Variants in SBF1 observed in about 807,000 individuals in gnomAD.
SBF1 encodes the protein myotubularin-related protein 5.
In SBF1, 65 loss-of-function variants were observed where a neutral mutation model predicts 215.8. The observed-to-expected ratio is 0.30, with a 90% CI of 0.25 to 0.37. SBF1 has a LOEUF of 0.37. Ranked by LOEUF, SBF1 falls within the 10% of genes least tolerant of loss-of-function variation. The pLI is 1.00. For missense variants in SBF1, 2,634 were observed against 2,667.8 expected (o/e 0.99, Z 0.28); for synonymous variants, 1,410 against 1,122.8 (o/e 1.26, Z -5.11).
At position 50,464,531 on chromosome 22, in the gene SBF1, C is replaced by G; in HGVS notation, c.1636+3G>C. 6.2e-7 allele frequency: 1 copy of G among 1,607,040 alleles called. No individual in the cohort carries two copies. The highest frequency in any genetic ancestry group is 8.5e-7 in the Non-Finnish European group (1 of 1,175,970). The stretch of plus-strand genomic sequence containing the variant: ...GCCTGCCTTCCCCTCCCTCATTACG[C>G]ACTCATGGGGGGCCCTGAGGGCACG... On this transcript the variant is annotated splice_donor_region_variant and intron_variant, in intron 14 of 40. Coordinates refer to ENST00000380817, the MANE Select transcript of SBF1 (RefSeq NM_002972.4).
intron 28 of SBF1, among the ~76,000 whole-genome samples, chr22:50,458,186 T>A (rs1000988084): frequency 6.6e-6 from 1 of 151,284 alleles, no homozygotes; most frequent in African/African-American, 2.4e-5. Flanking sequence ...GCACCTGTAG[T>A]CCCAGCTACT....
chr22:50,461,484 G>A, intron 22 of SBF1, 39 bp downstream of exon 22: 5 of 1,557,320 alleles, frequency 3.2e-6, no homozygotes, highest in Non-Finnish European at 4.4e-6. Context: ...AAGACCTGGG[G>A]GAGAGGGGGC....
In SBF1 at chr22:50,466,696, C is replaced by T. The variant is rs1395775486; in HGVS notation, c.564G>A (p.Leu188=). The T allele has an allele frequency of 6.5e-7, 1 of 1,539,952 alleles. No homozygotes were observed. The highest frequency in any genetic ancestry group is 1.2e-5 in the South Asian group (1 of 83,146). Residue 188 remains leucine, a synonymous_variant, in exon 6 of 41, where the codon TTG becomes TTA. Transcript: ENST00000380817. ...GGATGACCTGCCGGTCACCAGCCCC[C>T]AAAGAGATCGTCCTCTGCAGCAAAA... is the stretch of plus-strand genomic sequence containing the variant. ...LAGGSQRTIS[L]GAGDRQVIQT...
chr22:50,461,680 C>A lies in SBF1; in HGVS notation c.2682G>T (p.Glu894Asp). Residue 894 changes from glutamate to aspartate, a missense_variant, in exon 22 of 41, where the codon GAG (glutamate) becomes GAT (aspartate). Physicochemically the swap from Glu to Asp is conservative, Grantham distance 45. Transcript: ENST00000380817. ...LLRPRLLPGE[E>D]CVLDGLRVYL... is the part of the protein sequence containing the mutation. ...AGACGCGCAGGCCGTCCAGCACACA[C>A]TCCTCACCCGGCAGCAGGCGCGGCC... The A allele has an allele frequency of 6.2e-7, 1 of 1,610,040 alleles. No individual in the cohort carries two copies. Among genetic ancestry groups the A allele is most frequent in the Non-Finnish European group, 8.5e-7 (1 of 1,179,328 alleles).
Position 50,454,963 on chromosome 22 carries a change from G to A in SBF1, c.4682-19C>T, listed in dbSNP as rs369024554. ...AGCAGCCCTGCACAGAAGCAGCACT[G>A]AGCCTGGGCCCCTCCTGACCCGTGG... On this transcript the variant is annotated intron_variant, in intron 34 of 40. Coordinates refer to ENST00000380817, the MANE Select transcript of SBF1 (RefSeq NM_002972.4). 1.5e-5 allele frequency: 25 copies of A among 1,613,946 alleles called. No individual in the cohort carries two copies. The African/African-American group carries it at 3.2e-4, about 21-fold the overall frequency.
At position 50,465,248 on chromosome 22, in the gene SBF1, G is replaced by A; in HGVS notation, c.1170C>T (p.Arg390=). ...QGYRWCLHVV[R]IHPEPVIRFH... Reference sequence around the variant, plus strand: ...AGCGGATGACAGGCTCCGGGTGGATGCGCACGACGTGCAGGCACCAGCGAT... The same window carrying A: ...AGCGGATGACAGGCTCCGGGTGGATACGCACGACGTGCAGGCACCAGCGAT... The change falls in exon 11 of 41, where the codon CGC becomes CGT. Residue 390 remains arginine (R), a synonymous_variant. Coordinates refer to ENST00000380817, the MANE Select transcript of SBF1 (RefSeq NM_002972.4). The A allele has an allele frequency of 6.2e-7, 1 of 1,612,300 alleles. No homozygotes were observed.
chr22:50,472,665 G>A (rs2068037729), intron 1 of SBF1, among the ~76,000 whole-genome samples: 1 of 152,154 alleles, frequency 6.6e-6, no homozygotes, highest in South Asian at 2.1e-4. Flanking sequence ...CCAAACAACT[G>A]GCTCGAAGTC....
In SBF1 at chr22:50,446,868, G is replaced by T; in HGVS notation, c.*274C>A. 2 of 744,512 alleles carry T rather than the reference G, an allele frequency of 2.7e-6. No individual in the cohort carries two copies. Among genetic ancestry groups the T allele is most frequent in the South Asian group, 2.8e-5 (2 of 72,438 alleles). The allele number at this position is 744,512 out of a possible 1,614,324, so 46.1% of individuals were successfully genotyped here. A position where few individuals can be genotyped will look rare whatever the true frequency, so the allele number is the denominator to read the frequency against. ...GAAACTCGCCTGCAGCCGCTGGCTG[G>T]ACCAGCACACGCTGACGGGGCCGGA... On this transcript the variant is annotated 3_prime_UTR_variant, in exon 41 of 41. Coordinates refer to ENST00000380817, the MANE Select transcript of SBF1 (RefSeq NM_002972.4).
intron 36 of SBF1, among the ~76,000 whole-genome samples, chr22:50,452,820 A>G (rs1189308997): frequency 6.6e-6 from 1 of 151,638 alleles, no homozygotes; most frequent in East Asian, 1.9e-4. Context: ...AAAGGCATGA[A>G]TGGACACACA....
intron 10 of SBF1, 38 bp downstream of exon 10, chr22:50,465,725 G>A (rs768741339): frequency 6.4e-7 from 1 of 1,555,378 alleles, no homozygotes; most frequent in African/African-American, 1.4e-5. Context: ...CAGCCTAAGT[G>A]CCTGGGGTCC....
Position 50,447,821 on chromosome 22 carries a change from G to C in SBF1, c.5364-212C>G, listed in dbSNP as rs976227867. Reference sequence around the variant, plus strand: ...GCCCAAGAAGACGACGCCCAGAAAGGAGACAGTGAAGGGCGCCTCACACCC... The same window carrying C: ...GCCCAAGAAGACGACGCCCAGAAAGCAGACAGTGAAGGGCGCCTCACACCC... On this transcript the variant is annotated intron_variant, in intron 38 of 40. Coordinates refer to ENST00000380817, the MANE Select transcript of SBF1 (RefSeq NM_002972.4). 1.2e-4 allele frequency among the ~76,000 whole-genome samples: 18 copies of C among 152,234 alleles called. 1 individual carries two copies. Among genetic ancestry groups the C allele is most frequent in the Admixed American group, 7.9e-4 (12 of 15,284 alleles).
At chr22:50,465,175 G>A (rs76137009) in intron 11 of SBF1, 40 bp downstream of exon 11, 79 of 1,613,518 alleles carry the variant, frequency 4.9e-5, no homozygotes, top group East Asian at 8.9e-5. Flanking sequence ...TCCACCATGC[G>A]CTTATCTCCT....
At chr22:50,471,959 A>G (rs927490850) in intron 1 of SBF1, among the ~76,000 whole-genome samples, 3 of 152,210 alleles carry the variant, frequency 2.0e-5, no homozygotes, top group Non-Finnish European at 4.4e-5. Context: ...ATGCACACTC[A>G]GCTGCTGGAG....
rs147773583 is a variant in SBF1, at chr22:50,472,745, C to G, written c.55+2041G>C. Reference sequence around the variant, plus strand: ...CACACTCCTCTGCTTCTTCCCCCAGCTCCCACCGGCCCTGGTACCTGGCTC... The same window carrying G: ...CACACTCCTCTGCTTCTTCCCCCAGGTCCCACCGGCCCTGGTACCTGGCTC... On this transcript the variant is annotated intron_variant, in intron 1 of 40. Coordinates refer to ENST00000380817, the MANE Select transcript of SBF1 (RefSeq NM_002972.4). 1.2e-3 allele frequency among the ~76,000 whole-genome samples: 184 copies of G among 152,340 alleles called. No homozygotes were observed. The East Asian group carries it at 0.031, about 26-fold the overall frequency.
intron 1 of SBF1, 98 bp downstream of exon 1, chr22:50,474,688 G>A (rs1311187199): frequency 1.3e-5 from 10 of 773,006 alleles, no homozygotes; most frequent in East Asian, 1.2e-4. Flanking sequence ...CCCAGCCCTC[G>A]GCCCCCAGCC....
Position 50,454,562 on chromosome 22 carries a change from A to G in SBF1, c.4993T>C (p.Tyr1665His), listed in dbSNP as rs774526211. ...QSRRRVVWPC[Y>H]DSCPRAQPDA... The stretch of plus-strand genomic sequence containing the variant: ...GGCTGGGCCCGCGGGCAGCTGTCGT[A>G]ACAGGGCCACACCACGCGGCGCCTG... The change falls in exon 36 of 41, where the codon TAC (tyrosine) becomes CAC (histidine). Residue 1665 changes from tyrosine (Y) to histidine (H), a missense_variant. Tyr to His is a moderately conservative substitution (Grantham distance 83). Coordinates refer to ENST00000380817, the MANE Select transcript of SBF1 (RefSeq NM_002972.4). 10 of 1,611,778 alleles carry G rather than the reference A, an allele frequency of 6.2e-6. No homozygotes were observed. The highest frequency in any genetic ancestry group is 8.5e-6 in the Non-Finnish European group (10 of 1,179,856).
At position 50,455,055 on chromosome 22, in the gene SBF1, T is replaced by C. The variant is rs1470847597; in HGVS notation, c.4642A>G (p.Thr1548Ala). The C allele has an allele frequency of 1.9e-6, 3 of 1,613,936 alleles. No individual in the cohort carries two copies. Among genetic ancestry groups the C allele is most frequent in the Non-Finnish European group, 2.5e-6 (3 of 1,179,982 alleles). ...TCATAGTCAGAGTCGAGCAGGAAGGTCCGGAAACGGCGGGACACATGGTGG... is the reference window on the plus strand; with the variant it reads ...TCATAGTCAGAGTCGAGCAGGAAGGCCCGGAAACGGCGGGACACATGGTGG... ...GYHHVSRRFR[T>A]FLLDSDYERI... is the part of the protein sequence containing the mutation. The change falls in exon 34 of 41, where the codon ACC becomes GCC. Residue 1548 changes from threonine (T) to alanine (A), a missense_variant. Thr to Ala is a moderately conservative substitution (Grantham distance 58). Transcript: ENST00000380817.
intron 28 of SBF1, chr22:50,457,334 G>A (rs2067295369): frequency 6.9e-6 from 3 of 431,900 alleles, no homozygotes; most frequent in East Asian, 3.6e-5. Context: ...GGCAGCAGAA[G>A]GGCTATGCGG....
chr22:50,453,022 CAA>C (rs2067109463), intron 36 of SBF1, among the ~76,000 whole-genome samples: 1 of 151,740 alleles, frequency 6.6e-6, no homozygotes, highest in African/African-American at 2.4e-5. Context: ...AAAGAGAAAA[CAA>C]AGAGCAAGAT....
Sources: allele counts gnomAD v4.1 joint callset (sites outside exome capture counted in the v4.1 genomes callset), GRCh38; gene constraint gnomAD v4.1.1; transcripts MANE v1.5; gene names NCBI Gene and HGNC (gene_info 2026-07-23, HGNC 2026-07-21).